Variants in RELN observed in about 807,000 individuals in gnomAD.
RELN encodes reelin.
A neutral mutation model predicts 427.6 loss-of-function variants in RELN; 108 were observed. The ratio of observed to expected loss-of-function variants is 0.25; its 90% CI spans 0.22 to 0.30. The LOEUF (loss-of-function observed/expected upper bound fraction) is 0.30. Ranked by LOEUF, RELN falls within the 10% of genes least tolerant of loss-of-function variation. The pLI is 1.00. For synonymous variants in RELN, 1,524 were observed against 1,513.4 expected, an observed-to-expected ratio of 1.01 and a Z score of -0.16; for missense variants, 3,715 against 4,302.8, an observed-to-expected ratio of 0.86 and a Z score of 3.82.
chr7:103,899,031 A>C (rs3857817), intron 2 of RELN, among the ~76,000 whole-genome samples: 23,978 of 151,690 alleles, frequency 0.16, 2,545 homozygotes, highest in East Asian at 0.32. Flanking sequence ...GTTCTAAGAT[A>C]GATAGACCAC....
rs76011505 is a variant in RELN, at chr7:103,960,900, G to A, written c.226+28231C>T. ...TTTAAGGTGTTTTCCTCACATACAA[G>A]CTAATTTTACTCTTTGGAAATCACT... is the stretch of plus-strand genomic sequence containing the variant. On this transcript the variant is annotated intron_variant, in intron 1 of 64. Transcript: ENST00000428762. 2.2e-3 allele frequency among the ~76,000 whole-genome samples: 336 copies of A among 152,288 alleles called. 2 individuals are homozygous for A. Among genetic ancestry groups the A allele is most frequent in the Non-Finnish European group, 3.2e-3 (216 of 68,022 alleles).
In RELN at chr7:103,698,045, C is replaced by T. The variant is rs1834015310; in HGVS notation, c.951G>A (p.Glu317=). Residue 317 remains glutamate, a synonymous_variant, in exon 10 of 65, where the codon GAG becomes GAA. Coordinates refer to ENST00000428762, the MANE Select transcript of RELN (RefSeq NM_005045.4). ...STIIHILYLP[E]DAKGENVQFQ... Reference sequence around the variant, plus strand: ...ATTGGACATTCTCCCCTTTGGCGTCCTCAGGAAGGTAGAGGATATGGATGA... The same window carrying T: ...ATTGGACATTCTCCCCTTTGGCGTCTTCAGGAAGGTAGAGGATATGGATGA... The T allele has an allele frequency of 6.2e-6, 10 of 1,613,764 alleles. No homozygotes were observed. Among genetic ancestry groups the T allele is most frequent in the Non-Finnish European group, 6.8e-6 (8 of 1,179,824 alleles).
intron 3 of RELN, among the ~76,000 whole-genome samples, chr7:103,820,578 G>A (rs1792989959): frequency 6.6e-6 from 1 of 151,418 alleles, no homozygotes; most frequent in Non-Finnish European, 1.5e-5. Flanking sequence ...ATTAATCAAG[G>A]AGTCTGATTC....
chr7:103,824,627 AGTGTGTGTGTGTGTGTGTGTGTGTGTGT>A lies in RELN; in HGVS notation c.473+8882_473+8909del, dbSNP rs368098458. 7.6e-6 allele frequency among the ~76,000 whole-genome samples: 1 copy of A among 130,896 alleles called. No individual in the cohort carries two copies. The highest frequency in any genetic ancestry group is 1.6e-5 in the Non-Finnish European group (1 of 63,096). The allele number at this position is 130,896 out of a possible 152,430, so 85.9% of individuals were successfully genotyped here. A position where few individuals can be genotyped will look rare whatever the true frequency, so the allele number is the denominator to read the frequency against. ...GTGTTTTCACTTTCTTTCAAAACAG[AGTGTGTGTGTGTGTGTGTGTGTGTGTGT>A]GTGTGTGTGTGTGTGTGTGTTTGCT... On this transcript the variant is annotated intron_variant, in intron 3 of 64. Transcript: ENST00000428762. The surrounding 1 kb of genome is among the most constrained non-coding windows in gnomAD (Gnocchi z 4.4).
chr7:103,845,012 G>C (rs995991797), intron 2 of RELN, among the ~76,000 whole-genome samples: 7 of 152,130 alleles, frequency 4.6e-5, no homozygotes, highest in African/African-American at 1.7e-4. Flanking sequence ...TGTAGAAACA[G>C]GATCTGATTA....
At chr7:103,516,695 A>C (rs1829574777) in intron 49 of RELN, among the ~76,000 whole-genome samples, 3 of 152,222 alleles carry the variant, frequency 2.0e-5, no homozygotes, top group African/African-American at 7.2e-5. Context: ...CAACCAGTCC[A>C]AGTTCATCCC....
intron 8 of RELN, among the ~76,000 whole-genome samples, chr7:103,706,727 C>T (rs1834209575): frequency 6.6e-6 from 1 of 151,948 alleles, no homozygotes; most frequent in African/African-American, 2.4e-5. Flanking sequence ...TACTCAGGCT[C>T]ATGACTCAAG....
intron 16 of RELN, among the ~76,000 whole-genome samples, chr7:103,647,524 T>C (rs1237191907): frequency 7.3e-6 from 1 of 137,806 alleles, no homozygotes; most frequent in Non-Finnish European, 1.6e-5. Flanking sequence ...AGAGAAACTA[T>C]GAAACACTGA....
chr7:103,600,493 C>T (rs1178213855), intron 24 of RELN, among the ~76,000 whole-genome samples: 2 of 152,096 alleles, frequency 1.3e-5, no homozygotes, highest in African/African-American at 2.4e-5. Flanking sequence ...GCCTGCAAAA[C>T]GGGTCTACTC....
chr7:103,885,493 A>C (rs6465942), intron 2 of RELN, among the ~76,000 whole-genome samples: 53,675 of 151,974 alleles, frequency 0.35, 10,000 homozygotes, highest in Non-Finnish European at 0.43. Flanking sequence ...AGGAACAGAA[A>C]AACCAAACAC....
intron 25 of RELN, among the ~76,000 whole-genome samples, chr7:103,596,017 C>G (rs576952577): frequency 6.6e-6 from 1 of 152,166 alleles, no homozygotes; most frequent in Admixed American, 6.5e-5. Flanking sequence ...TATACACTTA[C>G]TCATACACTG....
chr7:103,795,956 T>C (rs978029523), intron 3 of RELN, among the ~76,000 whole-genome samples: 6 of 152,232 alleles, frequency 3.9e-5, no homozygotes, highest in African/African-American at 1.4e-4. Context: ...TAGTTCATTA[T>C]GGCTCATTGC....
chr7:103,715,493 T>C (rs1789914901), intron 8 of RELN, among the ~76,000 whole-genome samples: 1 of 152,198 alleles, frequency 6.6e-6, no homozygotes. Context: ...CAGTGCGTGA[T>C]TTATTGTACT....
At chr7:103,520,971 T>TTTA (rs1829692107) in intron 48 of RELN, among the ~76,000 whole-genome samples, 1 of 127,356 alleles carries the variant, frequency 7.9e-6, no homozygotes, top group South Asian at 2.7e-4. Flanking sequence ...TTTTTTTTTT[T>TTTA]TTTTTTTTTT....
intron 20 of RELN, among the ~76,000 whole-genome samples, chr7:103,622,173 C>T (rs75912015): frequency 0.04 from 6,132 of 152,282 alleles, 171 homozygotes; most frequent in East Asian, 0.14. Flanking sequence ...CTCAGCTATT[C>T]AGTCCAAATG....
chr7:103,744,185 G>A (rs1237273434), intron 6 of RELN, among the ~76,000 whole-genome samples: 2 of 152,110 alleles, frequency 1.3e-5, no homozygotes, highest in Non-Finnish European at 1.5e-5. Flanking sequence ...ATGAAATGAA[G>A]GCAGAAATAA....
intron 3 of RELN, among the ~76,000 whole-genome samples, chr7:103,821,531 C>A (rs1047132559): frequency 6.6e-6 from 1 of 152,068 alleles, no homozygotes; most frequent in Admixed American, 6.6e-5. Flanking sequence ...CTGAGATGAG[C>A]CAGGCGGTAA....
intron 3 of RELN, among the ~76,000 whole-genome samples, chr7:103,811,093 G>T (rs1278915086): frequency 6.6e-6 from 1 of 152,084 alleles, no homozygotes; most frequent in African/African-American, 2.4e-5. Flanking sequence ...TATGCAAAAG[G>T]TATTTTTAAA....
chr7:103,898,820 A>G (rs541518064), intron 2 of RELN, among the ~76,000 whole-genome samples: 37 of 152,184 alleles, frequency 2.4e-4, no homozygotes, highest in African/African-American at 8.2e-4. Flanking sequence ...TTTGTTCATC[A>G]TTTTAATTTT....
Sources: gnomAD v4.1 joint callset for allele counts (sites outside exome capture counted in the v4.1 genomes callset) on GRCh38, gnomAD v4.1.1 for gene constraint, Gnocchi (gnomAD v3.1) non-coding constraint, MANE v1.5 for transcripts, NCBI Gene and HGNC (gene_info 2026-07-23, HGNC 2026-07-21) for gene names.